ABCB4: variants seen among roughly 807,000 people sequenced by gnomAD.
ABCB4 encodes ATP binding cassette subfamily B member 4.
ABCB4 carries 76 observed loss-of-function variants against 145.7 expected under a neutral mutation model. That is an observed-to-expected ratio of 0.52 (90% confidence interval 0.43 to 0.63). ABCB4 has a LOEUF of 0.63. Among genes scored for constraint, ABCB4 ranks in the 30% least tolerant of loss-of-function variants. ABCB4 has a pLI of 0.00. For missense variants in ABCB4, 1,234 were observed against 1,553.1 expected (o/e 0.79, Z 3.45); for synonymous variants, 517 against 566.8 (o/e 0.91, Z 1.25).
intron 4 of ABCB4, among the ~76,000 whole-genome samples, chr7:87,454,936 C>T (rs186996092): frequency 1.2e-3 from 182 of 151,854 alleles, no homozygotes; most frequent in African/African-American, 4.3e-3. Flanking sequence ...ACAAAACACA[C>T]AGAAGACAGA....
At chr7:87,458,230 A>T (rs1812225696) in intron 4 of ABCB4, among the ~76,000 whole-genome samples, 1 of 152,160 alleles carries the variant, frequency 6.6e-6, no homozygotes, top group Non-Finnish European at 1.5e-5. Context: ...CAAGTCCTTG[A>T]CACTCTGCAG....
rs771437431 is a variant in ABCB4, at chr7:87,406,363, C to G, written c.3411G>C (p.Arg1137=). The change falls in exon 26 of 28, where the codon CGG becomes CGC. Residue 1137 remains arginine (R), a synonymous_variant. Coordinates refer to ENST00000649586, the MANE Select transcript of ABCB4 (RefSeq NM_000443.4). ...TCACAATTTCATCCTGTGATACAAC[C>G]CGGCTGTTGTCTCCATAGGCAATAT... is the stretch of plus-strand genomic sequence containing the variant. ...AENIAYGDNS[R]VVSQDEIVSA... The G allele has an allele frequency of 1.7e-5, 28 of 1,613,784 alleles. No individual in the cohort carries two copies. In the Admixed American group the frequency reaches 3.5e-4, roughly 20 times the overall value.
chr7:87,452,343 G>GGAGGT (rs1459154382), intron 6 of ABCB4: 2 of 173,674 alleles, frequency 1.2e-5, no homozygotes, highest in Non-Finnish European at 2.4e-5. Context: ...AAGTCTTTGT[G>GGAGGT]GAGGTTTACA....
chr7:87,372,007 C>CAAAAAAAAAAAAAAAAAAAA, the ABCB4 span, among the ~76,000 whole-genome samples: 3 of 124,002 alleles, frequency 2.4e-5, no homozygotes, highest in Non-Finnish European at 3.3e-5. Context: ...AAAAAAAAAA[C>CAAAAAAAAAAAAAAAAAAAA]AAAAAAAAAA....
At chr7:87,424,714 A>G (rs974506463) in intron 16 of ABCB4, among the ~76,000 whole-genome samples, 2 of 152,154 alleles carry the variant, frequency 1.3e-5, no homozygotes, top group African/African-American at 4.8e-5. Flanking sequence ...TTTTGTTTAC[A>G]TATTTCCATT....
intron 3 of ABCB4, among the ~76,000 whole-genome samples, chr7:87,464,465 G>A (rs548933214): frequency 3.2e-4 from 48 of 152,312 alleles, no homozygotes; most frequent in South Asian, 1.0e-3. Context: ...CTGGGAAAAG[G>A]AAAACAGAAC....
At chr7:87,381,132 C>T in the ABCB4 span, among the ~76,000 whole-genome samples, 2 of 152,172 alleles carry the variant, frequency 1.3e-5, no homozygotes, top group African/African-American at 2.4e-5. Flanking sequence ...TACTACTTCC[C>T]TTCTTTCCCT....
the ABCB4 span, among the ~76,000 whole-genome samples, chr7:87,390,762 G>C: frequency 6.6e-6 from 1 of 152,160 alleles, no homozygotes; most frequent in African/African-American, 2.4e-5. Context: ...GTTCTATATG[G>C]AGGCACTAAA....
chr7:87,451,952 A>G, intron 6 of ABCB4, 158 bp from the exon 7 acceptor site: 2 of 707,214 alleles, frequency 2.8e-6, no homozygotes, highest in Non-Finnish European at 5.0e-6. Flanking sequence ...CCACCTAAAC[A>G]CCGCACAAAG....
the ABCB4 span, chr7:87,369,518 C>T: frequency 4.9e-6 from 7 of 1,417,254 alleles, no homozygotes; most frequent in East Asian, 9.3e-5. Flanking sequence ...TTCATTAGGT[C>T]TTATGGTGTT....
the ABCB4 span, among the ~76,000 whole-genome samples, chr7:87,383,117 G>C: frequency 1.3e-5 from 2 of 152,170 alleles, no homozygotes; most frequent in East Asian, 3.8e-4. Flanking sequence ...TGTGGGGAAT[G>C]TTCCAAGTCT....
intron 20 of ABCB4, among the ~76,000 whole-genome samples, chr7:87,417,800 T>A (rs1231356697): frequency 6.6e-6 from 1 of 152,240 alleles, no homozygotes; most frequent in Non-Finnish European, 1.5e-5. Context: ...GGTGCATGTA[T>A]TTTTTCATAG....
intron 24 of ABCB4, 114 bp downstream of exon 24, chr7:87,409,122 A>T: frequency 7.8e-7 from 1 of 1,275,944 alleles, no homozygotes; most frequent in Non-Finnish European, 1.1e-6. Flanking sequence ...ATTACAAATT[A>T]AATGAAACAC....
chr7:87,380,976 C>A, the ABCB4 span, among the ~76,000 whole-genome samples: 3 of 152,282 alleles, frequency 2.0e-5, no homozygotes, highest in East Asian at 5.8e-4. Context: ...CCTCAAGAGC[C>A]TTTCCTGATG....
At chr7:87,462,564 C>T (rs1405742961) in intron 4 of ABCB4, among the ~76,000 whole-genome samples, 194 bp downstream of exon 4, 1 of 152,256 alleles carries the variant, frequency 6.6e-6, no homozygotes, top group Non-Finnish European at 1.5e-5. Context: ...AACAACAATA[C>T]ACATATTTCT....
chr7:87,377,453 A>G, the ABCB4 span: 1 of 1,532,700 alleles, frequency 6.5e-7, no homozygotes, highest in Non-Finnish European at 9.0e-7. Context: ...ATTGTGATGT[A>G]AGTAAACTAC....
the ABCB4 span, among the ~76,000 whole-genome samples, chr7:87,385,753 T>C: frequency 6.6e-6 from 1 of 152,234 alleles, no homozygotes; most frequent in South Asian, 2.1e-4. Flanking sequence ...TTTGTCATGT[T>C]CTAGATCTTA....
At chr7:87,406,130 T>C in intron 26 of ABCB4, 158 bp downstream of exon 26, 1 of 729,808 alleles carries the variant, frequency 1.4e-6, no homozygotes, top group Non-Finnish European at 2.4e-6. Flanking sequence ...GTATTCCCAT[T>C]TACAAATAAG....
intron 25 of ABCB4, 91 bp downstream of exon 25, chr7:87,407,946 T>A: frequency 6.6e-7 from 1 of 1,525,648 alleles, no homozygotes; most frequent in Non-Finnish European, 9.0e-7. Context: ...GGATTCTAGG[T>A]CTACATTTGT....
Sources: gnomAD v4.1 joint callset for allele counts (sites outside exome capture counted in the v4.1 genomes callset) on GRCh38, gnomAD v4.1.1 for gene constraint, MANE v1.5 for transcripts, NCBI Gene and HGNC (gene_info 2026-07-23, HGNC 2026-07-21) for gene names.